The following INTS9 variants were observed in gnomAD, a reference collection of about 807,000 sequenced individuals.
The protein encoded by INTS9 is protein related to CPSF subunits of 74 kDa.
Under a neutral mutation model 79.7 loss-of-function variants are expected in INTS9, and 55 were observed. The ratio of observed to expected loss-of-function variants is 0.69; its 90% CI spans 0.56 to 0.86. The LOEUF (loss-of-function observed/expected upper bound fraction) is 0.86. INTS9 is among the 40% of genes least tolerant of loss of function. The pLI is 0.00. For synonymous variants in INTS9, 319 were observed against 325.2 expected (o/e 0.98, Z 0.20); for missense variants, 721 against 831.5 (o/e 0.87, Z 1.64).
At chr8:28,848,939 C>T (rs916742000) in intron 3 of INTS9, among the ~76,000 whole-genome samples, 3 of 152,182 alleles carry the variant, frequency 2.0e-5, no homozygotes, top group African/African-American at 7.2e-5. Flanking sequence ...CAGCAGGAGA[C>T]TCAGGCTGAA....
chr8:28,778,650 G>A (rs563184247), intron 12 of INTS9, among the ~76,000 whole-genome samples: 10 of 152,298 alleles, frequency 6.6e-5, no homozygotes, highest in African/African-American at 2.4e-4. Flanking sequence ...CAGCCTGCTT[G>A]GCAGGGAACA....
rs867290535 is a variant in INTS9, at chr8:28,849,009, G to C, written c.198+1204C>G. On this transcript the variant is annotated intron_variant, in intron 3 of 16. Transcript: ENST00000521022. Reference sequence around the variant, plus strand: ...TTACAGTCAGCTCTGAAGAAAATCTGGTGTCAAATTATGCATTTGGCTTGT... The same window carrying C: ...TTACAGTCAGCTCTGAAGAAAATCTCGTGTCAAATTATGCATTTGGCTTGT... Among the ~76,000 whole-genome samples the C allele has an allele frequency of 3.1e-4, 47 of 152,248 alleles. 1 individual carries two copies. In the Middle Eastern group the frequency reaches 0.031, roughly 99 times the overall value.
At chr8:28,854,214 A>G (rs1808016376) in intron 2 of INTS9, among the ~76,000 whole-genome samples, 1 of 152,216 alleles carries the variant, frequency 6.6e-6, no homozygotes, top group Non-Finnish European at 1.5e-5. Flanking sequence ...TCAGAAAATA[A>G]TAGTGAAAGA....
At chr8:28,877,525 C>T (rs889386988) in intron 1 of INTS9, among the ~76,000 whole-genome samples, 5 of 151,954 alleles carry the variant, frequency 3.3e-5, no homozygotes, top group Admixed American at 1.3e-4. Flanking sequence ...ATGCATATAC[C>T]CTTTGAACCA....
intron 8 of INTS9, among the ~76,000 whole-genome samples, chr8:28,804,920 G>A (rs1391060286): frequency 1.3e-5 from 2 of 152,148 alleles, no homozygotes; most frequent in African/African-American, 4.8e-5. Context: ...TGAATTCAGG[G>A]GCTGGAAGAT....
intron 8 of INTS9, among the ~76,000 whole-genome samples, chr8:28,811,451 TCA>T (rs139110194): frequency 4.1e-4 from 62 of 149,764 alleles, no homozygotes; most frequent in South Asian, 3.5e-3. Flanking sequence ...AGGCATAATC[TCA>T]CTCTGTTACC....
At chr8:28,811,243 T>G (rs1286442714) in intron 8 of INTS9, among the ~76,000 whole-genome samples, 1 of 151,678 alleles carries the variant, frequency 6.6e-6, no homozygotes, top group East Asian at 1.9e-4. Context: ...TTCTCCCGCC[T>G]CAGCCTCCCA....
intron 3 of INTS9, among the ~76,000 whole-genome samples, chr8:28,849,378 T>G (rs1807699263): frequency 6.6e-6 from 1 of 152,166 alleles, no homozygotes; most frequent in Non-Finnish European, 1.5e-5. Context: ...GAAGATAACC[T>G]AATGTCAAAA....
At chr8:28,771,196 C>A in intron 14 of INTS9, 116 bp from the exon 15 acceptor site, 1 of 856,868 alleles carries the variant, frequency 1.2e-6, no homozygotes. Flanking sequence ...TAAAGGTAAA[C>A]AATTTTTTTT....
At chr8:28,785,158 T>G (rs1803512151) in intron 11 of INTS9, among the ~76,000 whole-genome samples, 1 of 152,248 alleles carries the variant, frequency 6.6e-6, no homozygotes, top group African/African-American at 2.4e-5. Flanking sequence ...CAATGTCAGT[T>G]AGTCCAATTA....
In INTS9 at chr8:28,769,908, A is replaced by G; in HGVS notation, c.1781T>C (p.Phe594Ser). 1 of 1,614,160 alleles carries G rather than the reference A, an allele frequency of 6.2e-7. No individual in the cohort carries two copies. The highest frequency in any genetic ancestry group is 2.2e-5 in the East Asian group (1 of 44,882). Reference protein sequence around the residue: ...LLSGSIPVEQFVQTLEKHGFS... With the variant: ...LLSGSIPVEQSVQTLEKHGFS... ...GCTCACCTTCTCCAGGGTCTGCACG[A>G]ACTGCTCCACAGGGATGGAACCGCT... The change falls in exon 16 of 17, where the codon TTC (phenylalanine) becomes TCC (serine). Residue 594 changes from phenylalanine to serine, a missense_variant. Phe to Ser is a radical substitution (Grantham distance 155). Around this residue, in one of 3 missense-constraint regions of INTS9, gnomAD observed 281 missense variants for 300.8 expected, o/e 0.93. Coordinates refer to ENST00000521022, the MANE Select transcript of INTS9 (RefSeq NM_018250.4).
intron 16 of INTS9, 121 bp downstream of exon 16, chr8:28,769,768 C>T: frequency 7.6e-7 from 1 of 1,308,756 alleles, no homozygotes; most frequent in Non-Finnish European, 1.1e-6. Flanking sequence ...ACAGATGCCA[C>T]AGGACAGTGG....
At chr8:28,883,864 G>A (rs938191963) in intron 1 of INTS9, among the ~76,000 whole-genome samples, 2 of 152,170 alleles carry the variant, frequency 1.3e-5, no homozygotes, top group Non-Finnish European at 2.9e-5. Flanking sequence ...GACCTCTGCT[G>A]GTGTTCAGCA....
intron 1 of INTS9, among the ~76,000 whole-genome samples, chr8:28,877,644 T>A (rs1809468302): frequency 6.6e-6 from 1 of 152,326 alleles, no homozygotes; most frequent in East Asian, 1.9e-4. Flanking sequence ...GAAACAATGT[T>A]AATTGATAGA....
intron 6 of INTS9, among the ~76,000 whole-genome samples, chr8:28,824,182 T>C (rs940203411): frequency 6.6e-6 from 1 of 152,200 alleles, no homozygotes; most frequent in Non-Finnish European, 1.5e-5. Context: ...GGCAACAGGA[T>C]GCCAAAAGCC....
At chr8:28,837,532 C>T (rs1278313060) in intron 5 of INTS9, 105 bp downstream of exon 5, 4 of 1,236,014 alleles carry the variant, frequency 3.2e-6, no homozygotes, top group Admixed American at 5.3e-5. Flanking sequence ...GTTAGTTGTT[C>T]AGAAGGAACT....
intron 8 of INTS9, among the ~76,000 whole-genome samples, chr8:28,810,958 T>A (rs992370949): frequency 1.3e-5 from 2 of 152,196 alleles, no homozygotes; most frequent in Non-Finnish European, 2.9e-5. Context: ...TGCCACTCTC[T>A]TGGACCTCAC....
intron 14 of INTS9, among the ~76,000 whole-genome samples, chr8:28,772,438 G>A (rs374894045): frequency 6.6e-6 from 1 of 152,118 alleles, no homozygotes; most frequent in Non-Finnish European, 1.5e-5. Context: ...GCATGCACCC[G>A]GGAGGCAGAG....
intron 1 of INTS9, among the ~76,000 whole-genome samples, chr8:28,866,526 G>A (rs73554856): frequency 6.2e-4 from 94 of 152,252 alleles, no homozygotes; most frequent in Middle Eastern, 3.4e-3. Context: ...GCAAACAAAT[G>A]AAATTTTCCT....
Sources: gnomAD v4.1 joint callset for allele counts (sites outside exome capture counted in the v4.1 genomes callset) on GRCh38, gnomAD v4.1.1 for gene constraint, gnomAD v4.1.1 regional missense constraint, MANE v1.5 for transcripts, NCBI Gene and HGNC (gene_info 2026-07-23, HGNC 2026-07-21) for gene names.